CNTNAP3B: variants seen among roughly 807,000 people sequenced by gnomAD.
The protein encoded by CNTNAP3B is contactin-associated protein-like 3B.
CNTNAP3B carries 25 observed loss-of-function variants against 108.9 expected under a neutral mutation model. The ratio of observed to expected loss-of-function variants is 0.23; its 90% CI spans 0.17 to 0.32. The LOEUF (loss-of-function observed/expected upper bound fraction) is 0.32, where lower values mean the gene tolerates loss of function less well. Among genes scored for constraint, CNTNAP3B ranks in the 10% least tolerant of loss-of-function variants. The pLI is 1.00. For synonymous variants in CNTNAP3B, 103 were observed against 473.4 expected (o/e 0.22, Z 10.16); for missense variants, 252 against 1,210.4 (o/e 0.21, Z 11.75).
chr9:42,041,951 C>A (rs1430299258), intron 3 of CNTNAP3B, among the ~76,000 whole-genome samples: 4 of 133,928 alleles, frequency 3.0e-5, no homozygotes, highest in African/African-American at 5.9e-5. Flanking sequence ...ATGGATGAAG[C>A]TGGAAACCAT....
At chr9:42,058,180 T>A (rs1827113003) in intron 3 of CNTNAP3B, among the ~76,000 whole-genome samples, 4 of 148,440 alleles carry the variant, frequency 2.7e-5, no homozygotes, top group Admixed American at 2.7e-4. Flanking sequence ...AACATGGTTG[T>A]ACAGATATCT....
intron 8 of CNTNAP3B, among the ~76,000 whole-genome samples, chr9:41,990,365 A>T (rs1409801744): frequency 1.6e-5 from 2 of 127,314 alleles, no homozygotes; most frequent in East Asian, 2.5e-4. Flanking sequence ...TTTCTAAAAG[A>T]TAAAAAATAT....
rs1458411245 is a variant in CNTNAP3B at position 41,975,178 on chromosome 9, C to T, written c.1478-4933G>A. On this transcript the variant is annotated intron_variant, in intron 9 of 23. Transcript: ENST00000377561. ...TTTCCGGTGGGGAAGACTAGCAAAT[C>T]AGGCGGCAAGATCATCGTGGGCGAC... 8 of 191,424 alleles carry T rather than the reference C, an allele frequency of 4.2e-5. 1 individual carries two copies. The highest frequency in any genetic ancestry group is 1.3e-4 in the Admixed American group (2 of 15,086). The allele number at this position is 191,424 out of a possible 1,614,324, so 11.9% of individuals were successfully genotyped here. A position where few individuals can be genotyped will look rare whatever the true frequency, so the allele number is the denominator to read the frequency against.
intron 14 of CNTNAP3B, among the ~76,000 whole-genome samples, chr9:41,933,842 T>C (rs1330514298): frequency 6.6e-6 from 1 of 152,240 alleles, no homozygotes; most frequent in Non-Finnish European, 1.5e-5. Flanking sequence ...GTTAAGAATA[T>C]AGTTTCCATC....
intron 3 of CNTNAP3B, among the ~76,000 whole-genome samples, chr9:42,075,836 C>CTTATTA (rs201491733): frequency 0.046 from 2,853 of 61,654 alleles, 30 homozygotes; most frequent in Non-Finnish European, 0.06. Flanking sequence ...GTAATAAATA[C>CTTATTA]TTATTATTAT....
chr9:41,934,198 T>TATATATATAC (rs1418666527), intron 14 of CNTNAP3B, among the ~76,000 whole-genome samples: 278 of 116,484 alleles, frequency 2.4e-3, no homozygotes, highest in African/African-American at 7.8e-3. Context: ...CATATATATA[T>TATATATATAC]ACATACACAC....
rs1282946723 is a variant in CNTNAP3B at position 41,933,849 on chromosome 9, C to T, written c.2237+4395G>A. On this transcript the variant is annotated intron_variant, in intron 14 of 23. Coordinates refer to ENST00000377561, the MANE Select transcript of CNTNAP3B (RefSeq NM_001201380.3). ...TGATTACAGTTAAGAATATAGTTTCCATCATGACAATTCCGTAAAATTTGT... is the reference window on the plus strand; with the variant it reads ...TGATTACAGTTAAGAATATAGTTTCTATCATGACAATTCCGTAAAATTTGT... 3.3e-5 allele frequency among the ~76,000 whole-genome samples: 5 copies of T among 152,288 alleles called. No homozygotes were observed. In the East Asian group the frequency reaches 9.6e-4, roughly 29 times the overall value.
intron 1 of CNTNAP3B, among the ~76,000 whole-genome samples, chr9:42,123,834 A>G (rs1828512023): frequency 7.8e-6 from 1 of 128,986 alleles, no homozygotes; most frequent in African/African-American, 3.1e-5. Context: ...CATATAAAGT[A>G]TAAGCATATA....
chr9:42,073,976 T>A (rs1827430481), intron 3 of CNTNAP3B, among the ~76,000 whole-genome samples: 1 of 40,130 alleles, frequency 2.5e-5, no homozygotes, highest in Non-Finnish European at 6.3e-5. Context: ...ACAAGGTGAC[T>A]ATAGTCAATA....
intron 4 of CNTNAP3B, among the ~76,000 whole-genome samples, chr9:42,003,966 A>G (rs1826051483): frequency 4.1e-5 from 6 of 145,078 alleles, no homozygotes; most frequent in Admixed American, 4.1e-4. Flanking sequence ...CAAAAAAACA[A>G]CAACAAAACC....
chr9:42,117,582 T>C lies in CNTNAP3B; in HGVS notation c.85+11428A>G, dbSNP rs1387092242. 9.4e-5 allele frequency among the ~76,000 whole-genome samples: 13 copies of C among 138,930 alleles called. 2 individuals are homozygous for C. Among genetic ancestry groups the C allele is most frequent in the South Asian group, 4.7e-4 (2 of 4,294 alleles). 91.1% of individuals were successfully genotyped at this position (138,930 alleles called of 152,430 possible). A position where few individuals can be genotyped will look rare whatever the true frequency, so the allele number is the denominator to read the frequency against. On this transcript the variant is annotated intron_variant, in intron 1 of 23. Transcript: ENST00000377561. Reference sequence around the variant, plus strand: ...CCCACAAAAGAAAGCAGGAAAGATCTAAAATTGACACCCTAACATCACAAT... The same window carrying C: ...CCCACAAAAGAAAGCAGGAAAGATCCAAAATTGACACCCTAACATCACAAT...
intron 15 of CNTNAP3B, among the ~76,000 whole-genome samples, chr9:41,925,569 C>T (rs1230697141): frequency 1.3e-5 from 2 of 151,978 alleles, no homozygotes; most frequent in African/African-American, 2.4e-5. Context: ...CTCCAGCCTG[C>T]GCAACAGAGC....
chr9:42,097,142 C>G (rs1827917824), intron 2 of CNTNAP3B, among the ~76,000 whole-genome samples: 1 of 139,942 alleles, frequency 7.1e-6, no homozygotes, highest in Admixed American at 7.1e-5. Flanking sequence ...TAAAATTCAC[C>G]AAGTTCACAT....
chr9:41,939,494 G>A lies in CNTNAP3B; in HGVS notation c.2081-1094C>T, dbSNP rs569484953. On this transcript the variant is annotated intron_variant, in intron 13 of 23. Transcript: ENST00000377561. ...ACCACTATCTATCACCTGCCCCTCTGCCAAAAAACAAAAAAAACAACGAAA... is the reference window on the plus strand; with the variant it reads ...ACCACTATCTATCACCTGCCCCTCTACCAAAAAACAAAAAAAACAACGAAA... Among the ~76,000 whole-genome samples, 33 of 145,040 alleles carry A rather than the reference G, an allele frequency of 2.3e-4. No homozygotes were observed. The East Asian group carries it at 5.6e-3, about 24-fold the overall frequency.
chr9:42,125,319 C>T (rs1226776411), intron 1 of CNTNAP3B, among the ~76,000 whole-genome samples: 5 of 139,982 alleles, frequency 3.6e-5, no homozygotes, highest in African/African-American at 1.4e-4. Context: ...TGACAACTTG[C>T]TATAGGTCAC....
At chr9:42,047,181 G>A (rs1363045847) in intron 3 of CNTNAP3B, among the ~76,000 whole-genome samples, 2 of 86,114 alleles carry the variant, frequency 2.3e-5, no homozygotes, top group Non-Finnish European at 4.5e-5. Flanking sequence ...CAGTTCTCAG[G>A]GTTTATTGAG....
At chr9:41,938,769 T>C (rs1824237036) in intron 13 of CNTNAP3B, among the ~76,000 whole-genome samples, 5 of 152,288 alleles carry the variant, frequency 3.3e-5, no homozygotes, top group Admixed American at 2.6e-4. Context: ...GAAATGTTCA[T>C]TGAGAAAGTT....
At chr9:41,928,006 C>G (rs1253803988) in intron 15 of CNTNAP3B, among the ~76,000 whole-genome samples, 1 of 150,480 alleles carries the variant, frequency 6.6e-6, no homozygotes, top group Non-Finnish European at 1.5e-5. Context: ...TAAAAGAGAA[C>G]AGAATATTTC....
At chr9:41,948,599 TTAA>T (rs1824597325) in intron 13 of CNTNAP3B, among the ~76,000 whole-genome samples, 2 of 151,796 alleles carry the variant, frequency 1.3e-5, no homozygotes, top group African/African-American at 2.4e-5. Flanking sequence ...CAATAAAATA[TTAA>T]TAAATCAAAC....
Sources: gnomAD v4.1 joint callset for allele counts (sites outside exome capture counted in the v4.1 genomes callset) on GRCh38, gnomAD v4.1.1 for gene constraint, MANE v1.5 for transcripts, NCBI Gene and HGNC (gene_info 2026-07-23, HGNC 2026-07-21) for gene names.